The following RABL2B variants were observed in gnomAD, a reference collection of about 807,000 sequenced individuals.
The protein encoded by RABL2B is RAB, member of RAS oncogene family like 2B, also known as rab-like protein 2B.
Under a neutral mutation model 26.7 loss-of-function variants are expected in RABL2B, and 17 were observed. The ratio of observed to expected loss-of-function variants is 0.64; its 90% CI spans 0.44 to 0.95. The LOEUF (loss-of-function observed/expected upper bound fraction) is 0.95, where lower values mean the gene tolerates loss of function less well. RABL2B is among the 40% of genes least tolerant of loss of function. The pLI is 0.00. For missense variants in RABL2B, 170 were observed against 277.2 expected (o/e 0.61, Z 2.75); for synonymous variants, 70 against 103.9 (o/e 0.67, Z 1.99).
At chr22:50,780,782 G>A (rs1398183973) in intron 2 of RABL2B, 3 of 469,732 alleles carry the variant, frequency 6.4e-6, no homozygotes, top group Non-Finnish European at 1.3e-5. Context: ...CTTATTTTTT[G>A]TTACTGTTTG....
At chr22:50,778,378 C>T (rs1198106276) in intron 2 of RABL2B, among the ~76,000 whole-genome samples, 30 of 151,558 alleles carry the variant, frequency 2.0e-4, no homozygotes, top group Admixed American at 2.0e-4. Context: ...TTTGGGAGGC[C>T]GAGAGCAGCC....
chr22:50,775,376 G>A (rs1417262653), intron 5 of RABL2B, among the ~76,000 whole-genome samples: 5 of 152,132 alleles, frequency 3.3e-5, no homozygotes, highest in Non-Finnish European at 7.4e-5. Flanking sequence ...TCTGGGACCC[G>A]CAGCATCTAC....
At chr22:50,781,100 G>A (rs1476714106) in intron 2 of RABL2B, among the ~76,000 whole-genome samples, 20 of 152,020 alleles carry the variant, frequency 1.3e-4, no homozygotes, top group African/African-American at 3.6e-4. Flanking sequence ...CAGCACTTTC[G>A]GAGGCTGAGG....
chr22:50,773,725 G>C (rs2084538035), intron 5 of RABL2B, among the ~76,000 whole-genome samples: 1 of 151,398 alleles, frequency 6.6e-6, no homozygotes, highest in South Asian at 2.1e-4. Context: ...GCAGAACAGA[G>C]CAGCTCCTTC....
chr22:50,781,400 A>AAGACAGAGAG (rs1555929020), intron 2 of RABL2B, among the ~76,000 whole-genome samples: 3 of 141,738 alleles, frequency 2.1e-5, no homozygotes, highest in African/African-American at 7.9e-5. Context: ...TGTGGTGGGG[A>AAGACAGAGAG]AGAGAGAGAG....
intron 2 of RABL2B, chr22:50,780,578 G>A (rs28729663): frequency 0.17 from 70,086 of 418,198 alleles, 6,837 homozygotes; most frequent in African/African-American, 0.33. Flanking sequence ...CTTGAGTCCA[G>A]TCAAAACTGA....
In RABL2B at chr22:50,775,849, A is replaced by G; in HGVS notation, c.220T>C (p.Phe74Leu). 1.2e-6 allele frequency: 2 copies of G among 1,614,224 alleles called. No individual in the cohort carries two copies. The highest frequency in any genetic ancestry group is 1.7e-6 in the Non-Finnish European group (2 of 1,180,042). ...TVDGRTILVD[F>L]WDTAGQERFQ... ...CGCTCCTGGCCTGCCGTGTCCCAAA[A>G]GTCTGCAATGTGAACACAGACAGAC... The change falls in exon 5 of 9, where the codon TTT becomes CTT. Residue 74 changes from phenylalanine to leucine, a missense_variant and splice_region_variant. Transcript: ENST00000691320.
chr22:50,780,266 C>CT (rs1296494265), intron 2 of RABL2B, among the ~76,000 whole-genome samples: 11 of 151,814 alleles, frequency 7.2e-5, no homozygotes, highest in African/African-American at 2.4e-4. Context: ...TAAAGAAAGC[C>CT]TGGTGACTGG....
intron 2 of RABL2B, among the ~76,000 whole-genome samples, chr22:50,779,225 C>A (rs140775730): frequency 0.021 from 3,133 of 151,596 alleles, 92 homozygotes; most frequent in African/African-American, 0.071. Flanking sequence ...GAAAAAGAGG[C>A]CCCAGAGACT....
chr22:50,777,895 T>C, intron 3 of RABL2B, 57 bp downstream of exon 3: 8 of 1,613,512 alleles, frequency 5.0e-6, no homozygotes, highest in South Asian at 2.2e-5. Flanking sequence ...GGGACACTGA[T>C]ACATGAGCGT....
chr22:50,776,192 G>A (rs552248398), intron 4 of RABL2B, among the ~76,000 whole-genome samples: 5 of 152,250 alleles, frequency 3.3e-5, no homozygotes, highest in Non-Finnish European at 5.9e-5. Context: ...AACTTCTCAC[G>A]TGCGCTGACC....
At chr22:50,776,900 G>A in intron 3 of RABL2B, 151 bp from the exon 4 acceptor site, 1 of 1,458,270 alleles carries the variant, frequency 6.9e-7, no homozygotes. Flanking sequence ...GCAGACAGAG[G>A]ATCAGCTTCA....
rs1348981539 is a variant in RABL2B, at chr22:50,768,353, T to G, written c.*423A>C. Reference sequence around the variant, plus strand: ...ACAGACTCAGCTGTGGGTGGGGGGGTAAATCATTACCTCAGGAGAAGCCCA... The same window carrying G: ...ACAGACTCAGCTGTGGGTGGGGGGGGAAATCATTACCTCAGGAGAAGCCCA... On this transcript the variant is annotated 3_prime_UTR_variant, in exon 9 of 9. Coordinates refer to ENST00000691320, the MANE Select transcript of RABL2B (RefSeq NM_001130919.3). 9 of 240,880 alleles carry G rather than the reference T, an allele frequency of 3.7e-5. No individual in the cohort carries two copies. In the East Asian group the frequency reaches 8.6e-4, roughly 23 times the overall value. The allele number at this position is 240,880 out of a possible 1,614,324, so 14.9% of individuals were successfully genotyped here.
rs782803655 is a variant in RABL2B at position 50,768,786 on chromosome 22, G to T, written c.680C>A (p.Pro227His). The stretch of plus-strand genomic sequence containing the variant: ...CCTAGCCCCAGCCCCTCAGCTGTGG[G>T]GAGAGGCCGCCTCCTCTGATGGGGT... Reference protein sequence around the residue: ...IETPSEEAASPHS With the variant: ...IETPSEEAASHHS The change falls in exon 9 of 9, where the codon CCC (proline) becomes CAC (histidine). Residue 227 changes from proline to histidine, a missense_variant. Around this residue, in one of 2 missense-constraint regions of RABL2B, gnomAD observed 165 missense variants for 232.0 expected, o/e 0.71. Coordinates refer to ENST00000691320, the MANE Select transcript of RABL2B (RefSeq NM_001130919.3). The T allele has an allele frequency of 7.4e-6, 12 of 1,613,910 alleles. No homozygotes were observed. In the South Asian group the frequency reaches 1.3e-4, roughly 18 times the overall value.
chr22:50,770,052 T>A (rs1555917259), intron 5 of RABL2B, 36 bp from the exon 6 acceptor site: 2 of 1,613,400 alleles, frequency 1.2e-6, no homozygotes, highest in Non-Finnish European at 1.7e-6. Flanking sequence ...AGCTCAGGTA[T>A]GTCAATGTTT....
rs1555915764 is a variant in RABL2B, at chr22:50,768,779, G to A, written c.687C>T (p.Ser229=). 6.2e-7 allele frequency: 1 copy of A among 1,613,904 alleles called. No homozygotes were observed. Among genetic ancestry groups the A allele is most frequent in the African/African-American group, 1.3e-5 (1 of 75,004 alleles). The part of the protein sequence containing the change: ...TPSEEAASPH[S] Reference sequence around the variant, plus strand: ...ACCCACCCCTAGCCCCAGCCCCTCAGCTGTGGGGAGAGGCCGCCTCCTCTG... The same window carrying A: ...ACCCACCCCTAGCCCCAGCCCCTCAACTGTGGGGAGAGGCCGCCTCCTCTG... The change falls in exon 9 of 9, where the codon AGC becomes AGT. Residue 229 remains serine, a synonymous_variant. Coordinates refer to ENST00000691320, the MANE Select transcript of RABL2B (RefSeq NM_001130919.3).
intron 1 of RABL2B, chr22:50,783,053 G>A (rs1247049440): frequency 1.1e-4 from 16 of 151,944 alleles, no homozygotes; most frequent in African/African-American, 4.0e-4. Context: ...ACCCTGTAGA[G>A]AGAGCGACAG....
chr22:50,773,995 C>T (rs868967291), intron 5 of RABL2B, among the ~76,000 whole-genome samples: 5 of 152,024 alleles, frequency 3.3e-5, no homozygotes, highest in Non-Finnish European at 5.9e-5. Flanking sequence ...CCCGGGTTCA[C>T]GCCATTCTCC....
chr22:50,769,868 G>A, intron 6 of RABL2B, 37 bp downstream of exon 6: 1 of 1,595,674 alleles, frequency 6.3e-7, no homozygotes, highest in Non-Finnish European at 8.6e-7. Context: ...CAGGTCCCCA[G>A]TGAATTGCTA....
Sources: gnomAD v4.1 joint callset for allele counts (sites outside exome capture counted in the v4.1 genomes callset) on GRCh38, gnomAD v4.1.1 for gene constraint, gnomAD v4.1.1 regional missense constraint, MANE v1.5 for transcripts, NCBI Gene and HGNC (gene_info 2026-07-23, HGNC 2026-07-21) for gene names.